PTPRN2: variants seen among roughly 807,000 people sequenced by gnomAD.
PTPRN2 encodes receptor-type tyrosine-protein phosphatase N2.
A neutral mutation model predicts 118.8 loss-of-function variants in PTPRN2; 74 were observed. That is an observed-to-expected ratio of 0.62 (90% CI 0.52 to 0.76). The LOEUF is 0.76. Among genes scored for constraint, PTPRN2 ranks in the 30% least tolerant of loss-of-function variants. The pLI is 0.00. For synonymous variants in PTPRN2, 641 were observed against 608.0 expected (o/e 1.05, Z -0.80); for missense variants, 1,481 against 1,394.4 (o/e 1.06, Z -0.99).
chr7:158,503,985 C>CA (rs58070541), intron 1 of PTPRN2, among the ~76,000 whole-genome samples: 29,398 of 117,810 alleles, frequency 0.25, 3,140 homozygotes, highest in East Asian at 0.43. Context: ...GAGACTGTCT[C>CA]AAAAAAAAAA....
chr7:158,177,812 A>G (rs1456286463), intron 5 of PTPRN2, among the ~76,000 whole-genome samples: 1 of 152,210 alleles, frequency 6.6e-6, no homozygotes, highest in Admixed American at 6.5e-5. Flanking sequence ...GGCATTTACT[A>G]TGAAAGCTAC....
intron 1 of PTPRN2, among the ~76,000 whole-genome samples, chr7:158,562,024 T>C (rs949600583): frequency 2.0e-5 from 3 of 152,216 alleles, no homozygotes; most frequent in Non-Finnish European, 2.9e-5. Flanking sequence ...AAGGGGCCAA[T>C]GAACACATGT....
chr7:157,855,109 C>T (rs1331602364), intron 12 of PTPRN2, among the ~76,000 whole-genome samples: 16 of 87,838 alleles, frequency 1.8e-4, no homozygotes, highest in East Asian at 5.8e-4. Flanking sequence ...TGTGTGGGGC[C>T]GGATCGGGGA....
chr7:158,313,133 T>C (rs1802010953), intron 3 of PTPRN2, among the ~76,000 whole-genome samples: 1 of 152,204 alleles, frequency 6.6e-6, no homozygotes, highest in African/African-American at 2.4e-5. Context: ...TGTCTGTGTC[T>C]ACACGTGAGC....
At chr7:158,149,202 C>T (rs541665334) in intron 6 of PTPRN2, among the ~76,000 whole-genome samples, 5 of 152,166 alleles carry the variant, frequency 3.3e-5, no homozygotes, top group African/African-American at 1.2e-4. Context: ...CTCAAGTGCA[C>T]GAGTGTCTGG....
rs372550606 is a variant in PTPRN2, at chr7:158,253,318, G to A, written c.278-48045C>T. On this transcript the variant is annotated intron_variant, in intron 3 of 22. Transcript: ENST00000389418. ...GCCTGAGGACTCGAGGACTGACCGG[G>A]GCCAGCACAGCGGGCGGGGCTCTGC... Among the ~76,000 whole-genome samples, 34 of 152,290 alleles carry A rather than the reference G, an allele frequency of 2.2e-4. No individual in the cohort carries two copies. The East Asian group carries it at 6.2e-3, about 28-fold the overall frequency.
rs191255929 is a variant in PTPRN2, at chr7:158,063,939, G to T, written c.1723+17359C>A. ...ACTTACACACATATGTATGTGCTCAGAAAGTGAGACACACTCAGTGAGAGA... is the reference window on the plus strand; with the variant it reads ...ACTTACACACATATGTATGTGCTCATAAAGTGAGACACACTCAGTGAGAGA... On this transcript the variant is annotated intron_variant, in intron 11 of 22. Transcript: ENST00000389418. Among the ~76,000 whole-genome samples the T allele has an allele frequency of 1.1e-4, 16 of 152,280 alleles. No individual in the cohort carries two copies. The East Asian group carries it at 3.1e-3, about 29-fold the overall frequency.
Position 157,621,378 on chromosome 7 carries a change from G to GTTCCCACTCCTGTCACCCT in PTPRN2, c.2327_2328insAGGGTGACAGGAGTGGGAA (p.Leu777GlyfsTer2), listed in dbSNP as rs781332790. On this transcript the variant is annotated stop_gained and frameshift_variant, in exon 15 of 23. Transcript: ENST00000389418. LOFTEE classifies it high-confidence loss of function. ...GGTACGTACAGGTCAGCACGGCCAG[G>GTTCCCACTCCTGTCACCCT]GAGCGGTTCTTGGGCACGTTCTCCT... 1 of 1,525,374 alleles carries GTTCCCACTCCTGTCACCCT rather than the reference G, an allele frequency of 6.6e-7. No homozygotes were observed. The highest frequency in any genetic ancestry group is 1.5e-5 in the African/African-American group (1 of 65,332). 94.5% of individuals were successfully genotyped at this position (1,525,374 alleles called of 1,614,324 possible).
rs776993131 is a variant in PTPRN2, at chr7:158,316,839, A to G, written c.257T>C (p.Leu86Ser). Residue 86 changes from leucine (L) to serine (S), a missense_variant, in exon 3 of 23, where the codon TTG becomes TCG. By Grantham distance (145) the Leu-to-Ser change is moderately radical (BLOSUM62 -2). Transcript: ENST00000389418. ...CCTACCTGTGCCGGAAAGCTTCTGC[A>G]ACGCCACGCGCAGGCGCTGCAGGGC... is the stretch of plus-strand genomic sequence containing the variant. ...PVALQRLRVALQKLSGTGFTW... is the reference protein window; with the variant it reads ...PVALQRLRVASQKLSGTGFTW... 1.9e-6 allele frequency: 3 copies of G among 1,606,428 alleles called. No homozygotes were observed. Among genetic ancestry groups the G allele is most frequent in the Admixed American group, 3.4e-5 (2 of 59,376 alleles).
chr7:157,718,329 A>G (rs1799032911), intron 12 of PTPRN2, among the ~76,000 whole-genome samples: 1 of 152,246 alleles, frequency 6.6e-6, no homozygotes. Flanking sequence ...AGGAAATAAA[A>G]CAAGGCACTC....
intron 3 of PTPRN2, among the ~76,000 whole-genome samples, chr7:158,283,022 A>G (rs1799532007): frequency 6.6e-6 from 1 of 152,168 alleles, no homozygotes; most frequent in Admixed American, 6.5e-5. Context: ...CCGGACACAG[A>G]TGGCTGATCC....
At chr7:157,639,624 C>G (rs11982407) in intron 14 of PTPRN2, among the ~76,000 whole-genome samples, 4,287 of 152,300 alleles carry the variant, frequency 0.028, 186 homozygotes, top group African/African-American at 0.096. Flanking sequence ...GGCCTGAAGC[C>G]GCTCAAGCCC....
At chr7:157,653,896 A>G (rs1805852932) in intron 14 of PTPRN2, among the ~76,000 whole-genome samples, 1 of 126,720 alleles carries the variant, frequency 7.9e-6, no homozygotes, top group Non-Finnish European at 1.7e-5. Context: ...ACCCACCCCA[A>G]CTCCACATGA....
chr7:157,810,675 C>T (rs1361508581), intron 12 of PTPRN2, among the ~76,000 whole-genome samples: 1 of 127,298 alleles, frequency 7.9e-6, no homozygotes, highest in African/African-American at 3.2e-5. Flanking sequence ...CTGGGCTCTT[C>T]ACGGGGACGG....
rs575963572 is a variant in PTPRN2, at chr7:158,369,383, C to G, written c.164-52451G>C. ...CCTCTAGAGAACCCTGACTAATACA[C>G]AGAGTGTCCAAAAGTGAATCACTCA... is the stretch of plus-strand genomic sequence containing the variant. On this transcript the variant is annotated intron_variant, in intron 2 of 22. Coordinates refer to ENST00000389418, the MANE Select transcript of PTPRN2 (RefSeq NM_002847.5). Among the ~76,000 whole-genome samples the G allele has an allele frequency of 6.6e-5, 10 of 152,062 alleles. No homozygotes were observed. The East Asian group carries it at 1.2e-3, about 18-fold the overall frequency.
At chr7:158,010,967 C>T (rs1256337893) in intron 11 of PTPRN2, among the ~76,000 whole-genome samples, 1 of 152,202 alleles carries the variant, frequency 6.6e-6, no homozygotes, top group African/African-American at 2.4e-5. Flanking sequence ...CTTAGAATAA[C>T]AATCGCCTCC....
intron 2 of PTPRN2, among the ~76,000 whole-genome samples, chr7:158,340,719 C>G (rs535743039): frequency 8.7e-4 from 48 of 55,140 alleles, no homozygotes; most frequent in African/African-American, 2.8e-3. Flanking sequence ...CACTCACACC[C>G]ACACTCACCA....
chr7:158,461,905 A>G (rs1188780869), intron 2 of PTPRN2, among the ~76,000 whole-genome samples: 1 of 63,250 alleles, frequency 1.6e-5, no homozygotes, highest in African/African-American at 5.3e-5. Flanking sequence ...AGACACTGGC[A>G]TATTTGTGAC....
At chr7:158,038,762 TATAAG>T (rs973027889) in intron 11 of PTPRN2, among the ~76,000 whole-genome samples, 2 of 101,792 alleles carry the variant, frequency 2.0e-5, no homozygotes, top group Non-Finnish European at 4.5e-5. Context: ...AATATAGAAA[TATAAG>T]ATTATACATA....
Sources: gnomAD v4.1 joint callset for allele counts (sites outside exome capture counted in the v4.1 genomes callset) on GRCh38, gnomAD v4.1.1 for gene constraint, MANE v1.5 for transcripts, NCBI Gene and HGNC (gene_info 2026-07-23, HGNC 2026-07-21) for gene names.